LHPP: variants seen among roughly 807,000 people sequenced by gnomAD.
LHPP encodes the protein phospholysine phosphohistidine inorganic pyrophosphate phosphatase, also known as hLHPP.
LHPP carries 24 observed loss-of-function variants against 30.3 expected under a neutral mutation model. That is an observed-to-expected ratio of 0.79 (90% CI 0.57 to 1.11). The LOEUF (loss-of-function observed/expected upper bound fraction) is 1.11, where lower values mean the gene tolerates loss of function less well. Ranked by LOEUF, LHPP falls within the 50% of genes most tolerant of loss-of-function variation. The pLI is 0.00. For synonymous variants in LHPP, 150 were observed against 157.1 expected (o/e 0.95, Z 0.34); for missense variants, 356 against 367.2 (o/e 0.97, Z 0.25).
chr10:124,526,321 C>G (rs1325082371), intron 6 of LHPP: 2 of 794,844 alleles, frequency 2.5e-6, no homozygotes, highest in African/African-American at 3.7e-5. Context: ...CTCAGCTCGT[C>G]TACACCCTGC....
chr10:124,549,880 G>A (rs1008163222), intron 6 of LHPP, among the ~76,000 whole-genome samples: 11 of 152,398 alleles, frequency 7.2e-5, no homozygotes, highest in African/African-American at 2.4e-4. Context: ...CTGTAAATGG[G>A]GGTGGCAATG....
intron 6 of LHPP, among the ~76,000 whole-genome samples, chr10:124,587,793 G>GA (rs1948825510): frequency 1.1e-5 from 1 of 93,398 alleles, no homozygotes; most frequent in African/African-American, 4.1e-5. Context: ...GAGTTTAAAA[G>GA]AAAAAGGCTA....
At chr10:124,526,081 T>A in intron 6 of LHPP, 1 of 690,932 alleles carries the variant, frequency 1.4e-6, no homozygotes, top group Non-Finnish European at 1.8e-6. Context: ...CCCTCGAGGG[T>A]CCTGGAAGGC....
At chr10:124,578,522 C>G (rs1589688639) in intron 6 of LHPP, among the ~76,000 whole-genome samples, 1 of 152,248 alleles carries the variant, frequency 6.6e-6, no homozygotes, top group Non-Finnish European at 1.5e-5. Context: ...ACGGTTACCA[C>G]TGGTGTGACG....
chr10:124,488,626 G>A, intron 3 of LHPP, 51 bp downstream of exon 3: 1 of 1,533,228 alleles, frequency 6.5e-7, no homozygotes, highest in Non-Finnish European at 8.8e-7. Flanking sequence ...ATGATGCTGT[G>A]CCAGTCTCCA....
intron 6 of LHPP, among the ~76,000 whole-genome samples, chr10:124,547,622 G>A (rs933078698): frequency 2.0e-5 from 3 of 152,256 alleles, no homozygotes; most frequent in Admixed American, 1.3e-4. Flanking sequence ...CCTGGATGCT[G>A]TAGCTTGCCT....
intron 6 of LHPP, among the ~76,000 whole-genome samples, chr10:124,601,651 T>C (rs903727399): frequency 6.6e-6 from 1 of 152,210 alleles, no homozygotes; most frequent in African/African-American, 2.4e-5. Context: ...CGCCATGGTG[T>C]CGGTTCTGGT....
chr10:124,586,413 A>C (rs1216557409), intron 6 of LHPP, among the ~76,000 whole-genome samples: 1 of 152,212 alleles, frequency 6.6e-6, no homozygotes, highest in Admixed American at 6.5e-5. Flanking sequence ...CCCTGCCCCA[A>C]CATGTGATCC....
intron 6 of LHPP, among the ~76,000 whole-genome samples, chr10:124,533,242 C>G (rs1033576116): frequency 3.9e-5 from 6 of 152,200 alleles, no homozygotes; most frequent in African/African-American, 1.4e-4. Context: ...TAAACTGAGA[C>G]CATTGAGGGA....
chr10:124,576,987 G>A lies in LHPP; in HGVS notation c.717-36277G>A, dbSNP rs1318664251. Reference sequence around the variant, plus strand: ...ACAGCCACGACCCAGAAATAAAGTAGGCACTGTAATTTGCATTTTGAGGAT... The same window carrying A: ...ACAGCCACGACCCAGAAATAAAGTAAGCACTGTAATTTGCATTTTGAGGAT... On this transcript the variant is annotated intron_variant, in intron 6 of 6. Transcript: ENST00000368842. The surrounding 1 kb of genome is among the most constrained non-coding windows in gnomAD (Gnocchi z 4.2). 6.6e-6 allele frequency among the ~76,000 whole-genome samples: 1 copy of A among 152,196 alleles called. No homozygotes were observed. Among genetic ancestry groups the A allele is most frequent in the Admixed American group, 6.5e-5 (1 of 15,282 alleles).
chr10:124,549,559 A>G (rs537134013), intron 6 of LHPP, among the ~76,000 whole-genome samples: 3 of 152,264 alleles, frequency 2.0e-5, no homozygotes, highest in African/African-American at 7.2e-5. Context: ...TTCTTTCTTC[A>G]CTTTAGTCTT....
At chr10:124,564,204 A>G (rs1421983424) in intron 6 of LHPP, among the ~76,000 whole-genome samples, 1 of 151,668 alleles carries the variant, frequency 6.6e-6, no homozygotes, top group African/African-American at 2.4e-5. Flanking sequence ...GCTCATTGCA[A>G]CCTCCACCTC....
At position 124,464,696 on chromosome 10, in the gene LHPP, G is replaced by A. The variant is rs138703845; in HGVS notation, c.125+2709G>A. Among the ~76,000 whole-genome samples the A allele has an allele frequency of 4.8e-3, 736 of 152,324 alleles. 12 individuals carry two copies. Among genetic ancestry groups the A allele is most frequent in the Admixed American group, 6.2e-3 (95 of 15,298 alleles). On this transcript the variant is annotated intron_variant, in intron 1 of 6. Coordinates refer to ENST00000368842, the MANE Select transcript of LHPP (RefSeq NM_022126.4). ...AGAGGGCTCTGGGCAGTGTTTTGGG[G>A]TGAAGTGGGCCTCATCTGGGGAGCA...
intron 6 of LHPP, among the ~76,000 whole-genome samples, chr10:124,518,766 G>C (rs1387604730): frequency 6.6e-6 from 1 of 152,220 alleles, no homozygotes; most frequent in African/African-American, 2.4e-5. Context: ...GGCCTCTGAA[G>C]AAGGCCCCCC....
intron 1 of LHPP, among the ~76,000 whole-genome samples, chr10:124,474,578 C>G (rs557999057): frequency 6.6e-6 from 1 of 152,328 alleles, no homozygotes; most frequent in East Asian, 1.9e-4. Flanking sequence ...AGTTCTGTCC[C>G]TAGACAAGTC....
intron 6 of LHPP, among the ~76,000 whole-genome samples, chr10:124,601,867 G>A (rs894967648): frequency 6.6e-6 from 1 of 152,244 alleles, no homozygotes; most frequent in Admixed American, 6.5e-5. Flanking sequence ...AGGAATGCAG[G>A]CATCTGGGTG....
chr10:124,519,746 G>T (rs918337465), intron 6 of LHPP, among the ~76,000 whole-genome samples: 1 of 152,120 alleles, frequency 6.6e-6, no homozygotes, highest in Non-Finnish European at 1.5e-5. Flanking sequence ...CTCCATCTAG[G>T]TTTGCTGTTA....
intron 1 of LHPP, among the ~76,000 whole-genome samples, chr10:124,467,443 C>T (rs1229298888): frequency 6.6e-6 from 1 of 151,606 alleles, no homozygotes; most frequent in East Asian, 1.9e-4. Context: ...TGATGTATGT[C>T]AAGTTCCTGG....
chr10:124,491,743 G>A (rs1390079941), intron 3 of LHPP, among the ~76,000 whole-genome samples: 1 of 151,886 alleles, frequency 6.6e-6, no homozygotes, highest in Non-Finnish European at 1.5e-5. Flanking sequence ...TGGCCAACAT[G>A]GTGAAACCCT....
Sources: gnomAD v4.1 joint callset for allele counts (sites outside exome capture counted in the v4.1 genomes callset) on GRCh38, gnomAD v4.1.1 for gene constraint, Gnocchi (gnomAD v3.1) non-coding constraint, MANE v1.5 for transcripts, NCBI Gene and HGNC (gene_info 2026-07-23, HGNC 2026-07-21) for gene names.